The following CRACDL variants were observed in gnomAD, a reference collection of about 807,000 sequenced individuals.
CRACDL encodes CRACD like.
Under a neutral mutation model 70.6 loss-of-function variants are expected in CRACDL, and 26 were observed. That is an observed-to-expected ratio of 0.37 (90% CI 0.27 to 0.51). CRACDL has a LOEUF of 0.51. CRACDL is among the 20% of genes least tolerant of loss of function. CRACDL has a pLI of 0.94. For missense variants in CRACDL, 1,283 were observed against 1,376.9 expected, an observed-to-expected ratio of 0.93 and a Z score of 1.08; for synonymous variants, 618 against 615.2, an observed-to-expected ratio of 1.00 and a Z score of -0.07.
chr2:98,907,161 G>A (rs897705641), intron 1 of CRACDL, among the ~76,000 whole-genome samples: 4 of 152,212 alleles, frequency 2.6e-5, no homozygotes, highest in African/African-American at 9.6e-5. Context: ...GCATGGTGGT[G>A]GGCACCTATA....
chr2:98,823,253 C>A lies in CRACDL; in HGVS notation c.1020G>T (p.Glu340Asp). 9.2e-6 allele frequency: 13 copies of A among 1,406,524 alleles called. No homozygotes were observed. Among genetic ancestry groups the A allele is most frequent in the Non-Finnish European group, 1.2e-5 (13 of 1,089,292 alleles). The allele number at this position is 1,406,524 out of a possible 1,614,324, so 87.1% of individuals were successfully genotyped here. ...EDPSSRPATP[E>D]LAEPESAPTL... is the part of the protein sequence containing the mutation. ...TGGGGGCCGACTCGGGCTCGGCGAGCTCCGGGGTGGCCGGGCGGCTTGAGG... is the reference window on the plus strand; with the variant it reads ...TGGGGGCCGACTCGGGCTCGGCGAGATCCGGGGTGGCCGGGCGGCTTGAGG... The change falls in exon 7 of 10, where the codon GAG (glutamate) becomes GAT (aspartate). Residue 340 changes from glutamate (E) to aspartate (D), a missense_variant. By Grantham distance (45) the Glu-to-Asp change is conservative. This residue lies in a region of CRACDL where 362 missense variants were observed against 495.0 expected (regional missense o/e 0.73). Transcript: ENST00000397899. This position sits in a 1 kb window ranked among gnomAD's most constrained non-coding sequence, Gnocchi z 4.0.
At chr2:98,839,119 C>G (rs753676859) in intron 2 of CRACDL, among the ~76,000 whole-genome samples, 3 of 152,202 alleles carry the variant, frequency 2.0e-5, no homozygotes, top group Non-Finnish European at 4.4e-5. Context: ...CAATTTATTA[C>G]TTTTTATAAT....
rs376223001 is a variant in CRACDL, at chr2:98,885,200, T to C, written c.-10-38390A>G. On this transcript the variant is annotated intron_variant, in intron 1 of 9. Coordinates refer to ENST00000397899, the MANE Select transcript of CRACDL (RefSeq NM_207362.3). The stretch of plus-strand genomic sequence containing the variant: ...AGTCTAGACAGTGACTGAAATCTGC[T>C]GCTGGGGCCAATTCCTCAGCAACTA... Among the ~76,000 whole-genome samples the C allele has an allele frequency of 7.2e-5, 11 of 152,332 alleles. No homozygotes were observed. The South Asian group carries it at 2.3e-3, about 32-fold the overall frequency.
intron 1 of CRACDL, among the ~76,000 whole-genome samples, chr2:98,855,268 A>G (rs1248377295): frequency 6.6e-6 from 1 of 151,714 alleles, no homozygotes; most frequent in Non-Finnish European, 1.5e-5. Flanking sequence ...CCTGGGCTAC[A>G]GAGCAAGACT....
At chr2:98,915,887 T>C (rs1708652437) in intron 1 of CRACDL, among the ~76,000 whole-genome samples, 1 of 152,176 alleles carries the variant, frequency 6.6e-6, no homozygotes, top group Non-Finnish European at 1.5e-5. Flanking sequence ...ACATGCTTTC[T>C]AGGCAGCTTG....
chr2:98,821,904 C>T lies in CRACDL; in HGVS notation c.2369G>A (p.Arg790Lys). The T allele has an allele frequency of 1.2e-6, 2 of 1,603,594 alleles. No individual in the cohort carries two copies. The highest frequency in any genetic ancestry group is 1.7e-6 in the Non-Finnish European group (2 of 1,177,652). ...PDAGPGEREP[R>K]KEPRTAEKRP... ...TTTCTCCGCCGTCCTGGGCTCCTTCCTGGGTTCCCGCTCTCCCGGGCCGGC... is the reference window on the plus strand; with the variant it reads ...TTTCTCCGCCGTCCTGGGCTCCTTCTTGGGTTCCCGCTCTCCCGGGCCGGC... The change falls in exon 7 of 10, where the codon AGG (arginine) becomes AAG (lysine). Residue 790 changes from arginine (R) to lysine (K), a missense_variant. Arg to Lys is a conservative substitution (Grantham distance 26). Coordinates refer to ENST00000397899, the MANE Select transcript of CRACDL (RefSeq NM_207362.3).
intron 1 of CRACDL, among the ~76,000 whole-genome samples, chr2:98,874,208 A>G (rs1337421411): frequency 2.6e-5 from 4 of 152,226 alleles, no homozygotes; most frequent in Admixed American, 2.6e-4. Context: ...GTGAACTTTT[A>G]TAAGTGGTAC....
chr2:98,889,285 G>GAGAGAGAAAGAA (rs1553399211), intron 1 of CRACDL, among the ~76,000 whole-genome samples: 4 of 141,072 alleles, frequency 2.8e-5, no homozygotes, highest in African/African-American at 5.1e-5. Flanking sequence ...GAAAAAGAGA[G>GAGAGAGAAAGAA]AGAAAGAAAG....
In CRACDL at chr2:98,795,073, A is replaced by ATTTTTTTTTTTTTTT. The variant is rs1468056572; in HGVS notation, c.2750-403_2750-402insAAAAAAAAAAAAAAA. ...TATATATATATATATATATATATAT[A>ATTTTTTTTTTTTTTT]TATATTTTTTTTTTTTTTTGAGACA... On this transcript the variant is annotated intron_variant, in intron 9 of 9. Coordinates refer to ENST00000397899, the MANE Select transcript of CRACDL (RefSeq NM_207362.3). 5.0e-4 allele frequency among the ~76,000 whole-genome samples: 10 copies of ATTTTTTTTTTTTTTT among 20,084 alleles called. 3 individuals are homozygous for ATTTTTTTTTTTTTTT. Among genetic ancestry groups the ATTTTTTTTTTTTTTT allele is most frequent in the South Asian group, 8.7e-3 (2 of 230 alleles). 13.2% of individuals were successfully genotyped at this position (20,084 alleles called of 152,430 possible).
At chr2:98,850,135 T>C (rs1046030766) in intron 1 of CRACDL, among the ~76,000 whole-genome samples, 1 of 152,218 alleles carries the variant, frequency 6.6e-6, no homozygotes, top group Non-Finnish European at 1.5e-5. Context: ...AAAGTCACCA[T>C]TGTCAGTCAC....
chr2:98,831,888 T>A (rs1705557981), intron 5 of CRACDL, among the ~76,000 whole-genome samples: 1 of 152,118 alleles, frequency 6.6e-6, no homozygotes, highest in African/African-American at 2.4e-5. Flanking sequence ...AGCACATTAC[T>A]ACCCCTAGGC....
chr2:98,923,652 A>G (rs973780942), intron 1 of CRACDL, among the ~76,000 whole-genome samples: 2 of 152,214 alleles, frequency 1.3e-5, no homozygotes, highest in African/African-American at 4.8e-5. Context: ...ACAGGCCATT[A>G]TTTCTCAATA....
intron 7 of CRACDL, among the ~76,000 whole-genome samples, chr2:98,800,786 T>C (rs1704043093): frequency 6.6e-6 from 1 of 152,254 alleles, no homozygotes; most frequent in Non-Finnish European, 1.5e-5. Flanking sequence ...CCACAGACTA[T>C]GTACCAGATA....
At chr2:98,876,593 T>A (rs1707494356) in intron 1 of CRACDL, among the ~76,000 whole-genome samples, 1 of 152,212 alleles carries the variant, frequency 6.6e-6, no homozygotes. Flanking sequence ...AACAACTTTA[T>A]TCCAAAGCCA....
At chr2:98,821,726 A>G in intron 7 of CRACDL, 131 bp downstream of exon 7, 2 of 1,221,888 alleles carry the variant, frequency 1.6e-6, no homozygotes, top group Non-Finnish European at 2.2e-6. Context: ...GTTAGTGGGA[A>G]TTCTGACTCC....
intron 3 of CRACDL, among the ~76,000 whole-genome samples, chr2:98,835,263 G>T (rs182525637): frequency 6.6e-6 from 1 of 152,338 alleles, no homozygotes; most frequent in Admixed American, 6.5e-5. Flanking sequence ...CCACTGGAAA[G>T]GTTTAGAATC....
intron 1 of CRACDL, among the ~76,000 whole-genome samples, chr2:98,847,764 C>A (rs186570178): frequency 6.6e-6 from 1 of 152,280 alleles, no homozygotes; most frequent in African/African-American, 2.4e-5. Context: ...TTAGGTATGA[C>A]GAATCCTCAC....
intron 1 of CRACDL, among the ~76,000 whole-genome samples, chr2:98,892,646 C>T (rs1315545231): frequency 6.6e-6 from 1 of 151,586 alleles, no homozygotes; most frequent in Non-Finnish European, 1.5e-5. Flanking sequence ...GCCAAGATCA[C>T]ACCACTGCAC....
chr2:98,921,343 C>T (rs115771170), intron 1 of CRACDL, among the ~76,000 whole-genome samples: 1,757 of 152,294 alleles, frequency 0.012, 27 homozygotes, highest in African/African-American at 0.04. Context: ...CCCAGGTGAG[C>T]GCACCTCCAT....
Sources: allele counts gnomAD v4.1 joint callset (sites outside exome capture counted in the v4.1 genomes callset), GRCh38; gene constraint gnomAD v4.1.1; regional missense constraint gnomAD v4.1.1; non-coding constraint Gnocchi (gnomAD v3.1); transcripts MANE v1.5; gene names NCBI Gene and HGNC (gene_info 2026-07-23, HGNC 2026-07-21).